The following TMCC1 variants were observed in gnomAD, a reference collection of about 807,000 sequenced individuals.
TMCC1 encodes transmembrane and coiled-coil domain family 1.
A neutral mutation model predicts 52.4 loss-of-function variants in TMCC1; 15 were observed. That is an observed-to-expected ratio of 0.29 (90% CI 0.19 to 0.44). The LOEUF (loss-of-function observed/expected upper bound fraction) is 0.44, where lower values mean the gene tolerates loss of function less well. Ranked by LOEUF, TMCC1 falls within the 20% of genes least tolerant of loss-of-function variation. TMCC1 has a pLI of 1.00. For missense variants in TMCC1, 503 were observed against 806.0 expected (o/e 0.62, Z 4.55); for synonymous variants, 279 against 301.9 (o/e 0.92, Z 0.79).
rs1560263938 is a variant in TMCC1, at chr3:129,720,201, A to AAAAAAAAAAAAAAAAAAAAAAAG, written c.577-48938_577-48937insCTTTTTTTTTTTTTTTTTTTTTT. 9.9e-5 allele frequency among the ~76,000 whole-genome samples: 15 copies of AAAAAAAAAAAAAAAAAAAAAAAG among 151,304 alleles called. 1 individual carries two copies. Among genetic ancestry groups the AAAAAAAAAAAAAAAAAAAAAAAG allele is most frequent in the African/African-American group, 3.7e-4 (15 of 40,958 alleles). ...TGTCTCAAAAAAAAAAAAAAAAAAA[A>AAAAAAAAAAAAAAAAAAAAAAAG]AGAGATGGAATGTATTTCTCCATCC... On this transcript the variant is annotated intron_variant, in intron 4 of 6. Transcript: ENST00000393238.
intron 4 of TMCC1, among the ~76,000 whole-genome samples, chr3:129,760,631 C>G (rs2053487807): frequency 6.6e-6 from 1 of 152,030 alleles, no homozygotes; most frequent in Non-Finnish European, 1.5e-5. Context: ...GCGCCCGCCA[C>G]CATGCCCGGC....
At chr3:129,829,001 C>A (rs2058781612) in intron 3 of TMCC1, among the ~76,000 whole-genome samples, 1 of 152,206 alleles carries the variant, frequency 6.6e-6, no homozygotes, top group Non-Finnish European at 1.5e-5. Flanking sequence ...CCCAATCTAA[C>A]TATATGTGGA....
chr3:129,790,264 AAAGTTT>A (rs1225659310), intron 4 of TMCC1, among the ~76,000 whole-genome samples: 2 of 152,250 alleles, frequency 1.3e-5, no homozygotes, highest in Non-Finnish European at 2.9e-5. Context: ...CTGGAAAATT[AAAGTTT>A]GAGTTACTAT....
chr3:129,719,210 A>T (rs2049364657), intron 4 of TMCC1, among the ~76,000 whole-genome samples: 1 of 152,202 alleles, frequency 6.6e-6, no homozygotes, highest in African/African-American at 2.4e-5. Flanking sequence ...ATGATCACCA[A>T]TGGCAAGCAA....
intron 4 of TMCC1, among the ~76,000 whole-genome samples, chr3:129,755,276 A>C (rs1391393638): frequency 2.0e-5 from 3 of 152,196 alleles, no homozygotes; most frequent in Non-Finnish European, 2.9e-5. Context: ...AGTATCAATC[A>C]TACCCCAAAC....
At chr3:129,797,986 C>CTTTTTTTTTTTTTT (rs11417298) in intron 4 of TMCC1, among the ~76,000 whole-genome samples, 6 of 136,664 alleles carry the variant, frequency 4.4e-5, no homozygotes, top group Non-Finnish European at 4.6e-5. Context: ...AGTTGTGTGC[C>CTTTTTTTTTTTTTT]TTTTTTTTTT....
intron 4 of TMCC1, among the ~76,000 whole-genome samples, chr3:129,763,569 A>G (rs533315934): frequency 9.4e-4 from 131 of 139,852 alleles, no homozygotes; most frequent in African/African-American, 3.3e-3. Flanking sequence ...AAAAAAAAAG[A>G]AAAAGAAAAA....
chr3:129,687,900 T>G (rs929718243), intron 4 of TMCC1, among the ~76,000 whole-genome samples: 12 of 152,364 alleles, frequency 7.9e-5, no homozygotes, highest in African/African-American at 2.9e-4. Context: ...TAATTATGAC[T>G]ATTCAAAGAA....
chr3:129,729,578 C>A (rs565845714), intron 4 of TMCC1, among the ~76,000 whole-genome samples: 2 of 152,252 alleles, frequency 1.3e-5, no homozygotes, highest in East Asian at 3.9e-4. Context: ...ATAATCCCAG[C>A]ACTTTGGGAG....
intron 4 of TMCC1, among the ~76,000 whole-genome samples, chr3:129,796,971 C>T (rs764143925): frequency 4.6e-5 from 7 of 152,182 alleles, no homozygotes; most frequent in Non-Finnish European, 1.0e-4. Flanking sequence ...CAACTATGCT[C>T]GTATCATATA....
intron 2 of TMCC1, among the ~76,000 whole-genome samples, chr3:129,866,318 A>G (rs1316979147): frequency 6.9e-6 from 1 of 144,256 alleles, no homozygotes; most frequent in East Asian, 2.0e-4. Flanking sequence ...CATATATTAT[A>G]TATACATATA....
intron 4 of TMCC1, among the ~76,000 whole-genome samples, chr3:129,796,444 G>C (rs1017694810): frequency 6.6e-6 from 1 of 152,160 alleles, no homozygotes; most frequent in Admixed American, 6.5e-5. Flanking sequence ...TCCACTGGGG[G>C]TCATGGAACA....
intron 2 of TMCC1, among the ~76,000 whole-genome samples, chr3:129,843,510 C>A (rs939418133): frequency 6.6e-6 from 1 of 151,898 alleles, no homozygotes; most frequent in Non-Finnish European, 1.5e-5. Context: ...TAAACAAAGA[C>A]ATAAATTACC....
intron 2 of TMCC1, among the ~76,000 whole-genome samples, chr3:129,865,888 A>C (rs949479317): frequency 1.3e-5 from 2 of 152,188 alleles, no homozygotes; most frequent in Non-Finnish European, 2.9e-5. Context: ...TAGAAGACAC[A>C]CTAGGTTTCA....
At chr3:129,850,841 C>T (rs765917868) in intron 2 of TMCC1, among the ~76,000 whole-genome samples, 13 of 152,266 alleles carry the variant, frequency 8.5e-5, no homozygotes, top group African/African-American at 9.6e-5. Context: ...AGGGATGGGC[C>T]GAAATAAAGG....
Position 129,785,952 on chromosome 3 carries a change from T to TA in TMCC1, c.576+41850dup, listed in dbSNP as rs2055997520. ...CACCCCCTTTTTTTTTTTTTTTTTT[T>TA]AAGACAGAGTCTTGCTTTGTCACCC... On this transcript the variant is annotated intron_variant, in intron 4 of 6. Transcript: ENST00000393238. 3.4e-5 allele frequency among the ~76,000 whole-genome samples: 5 copies of TA among 148,980 alleles called. No homozygotes were observed. In the South Asian group the frequency reaches 1.1e-3, roughly 32 times the overall value.
chr3:129,700,791 C>A (rs1239531787), intron 4 of TMCC1, among the ~76,000 whole-genome samples: 1 of 151,746 alleles, frequency 6.6e-6, no homozygotes, highest in African/African-American at 2.4e-5. Context: ...AAAAAAAAAT[C>A]TCTTTATTAT....
At chr3:129,771,273 C>T (rs2054556105) in intron 4 of TMCC1, among the ~76,000 whole-genome samples, 1 of 151,230 alleles carries the variant, frequency 6.6e-6, no homozygotes, top group African/African-American at 2.5e-5. Flanking sequence ...ACAAAGTGAA[C>T]AAATGAGGAG....
rs146152644 is a variant in TMCC1, at chr3:129,671,249, C to T, written c.592G>A (p.Val198Ile). The change falls in exon 5 of 7, where the codon GTA becomes ATA. Residue 198 changes from valine (V) to isoleucine (I), a missense_variant. By Grantham distance (29) the Val-to-Ile change is conservative. Coordinates refer to ENST00000393238, the MANE Select transcript of TMCC1 (RefSeq NM_001017395.5). The part of the protein sequence containing the change: ...GTAERIERLE[V>I]SSLAQTSSAV... ...CTGGATGTTTGGGCAAGGCTGCTTA[C>T]TTCCAACCGTTCGATCTAGTGTAAA... 1.9e-5 allele frequency: 30 copies of T among 1,610,952 alleles called. No individual in the cohort carries two copies. The African/African-American group carries it at 3.7e-4, about 20-fold the overall frequency.
Sources: allele counts gnomAD v4.1 joint callset (sites outside exome capture counted in the v4.1 genomes callset), GRCh38; gene constraint gnomAD v4.1.1; transcripts MANE v1.5; gene names NCBI Gene and HGNC (gene_info 2026-07-23, HGNC 2026-07-21).